SORCS3: variants seen among roughly 807,000 people sequenced by gnomAD.
SORCS3 encodes the protein VPS10 domain-containing receptor SorCS3.
A neutral mutation model predicts 146.3 loss-of-function variants in SORCS3; 57 were observed. That is an observed-to-expected ratio of 0.39 (90% confidence interval 0.31 to 0.49). The LOEUF is 0.49. Ranked by LOEUF, SORCS3 falls within the 20% of genes least tolerant of loss-of-function variation. The pLI, the probability that SORCS3 is intolerant of heterozygous loss-of-function variation, is 0.92. For synonymous variants in SORCS3, 653 were observed against 618.5 expected (o/e 1.06, Z -0.83); for missense variants, 1,341 against 1,575.5 (o/e 0.85, Z 2.52).
chr10:104,709,672 T>A (rs1387282721), intron 1 of SORCS3, among the ~76,000 whole-genome samples: 1 of 152,186 alleles, frequency 6.6e-6, no homozygotes, highest in Non-Finnish European at 1.5e-5. Flanking sequence ...ACAGCTAGTA[T>A]GTGGCAAAGA....
At position 105,069,585 on chromosome 10, in the gene SORCS3, A is replaced by G. The variant is rs185783353; in HGVS notation, c.1029-20190A>G. Among the ~76,000 whole-genome samples the G allele has an allele frequency of 2.0e-5, 3 of 152,296 alleles. No homozygotes were observed. The East Asian group carries it at 5.8e-4, about 29-fold the overall frequency. On this transcript the variant is annotated intron_variant, in intron 5 of 26. Coordinates refer to ENST00000369701, the MANE Select transcript of SORCS3 (RefSeq NM_014978.3). Reference sequence around the variant, plus strand: ...ATCTGTTAATATCCGCAACTCCTTCAGACAGTGCTTGGCTCTGCCACGCTC... The same window carrying G: ...ATCTGTTAATATCCGCAACTCCTTCGGACAGTGCTTGGCTCTGCCACGCTC...
intron 4 of SORCS3, among the ~76,000 whole-genome samples, chr10:104,992,677 T>C (rs2055001795): frequency 6.6e-6 from 1 of 152,190 alleles, no homozygotes; most frequent in African/African-American, 2.4e-5. Context: ...TGTCTTCCTA[T>C]TTCACACCAA....
intron 2 of SORCS3, among the ~76,000 whole-genome samples, chr10:104,860,494 C>T (rs1398241904): frequency 6.7e-6 from 1 of 148,502 alleles, no homozygotes; most frequent in Non-Finnish European, 1.5e-5. Flanking sequence ...GGGTGCAGCA[C>T]ACCAGCATGG....
At chr10:105,177,949 T>A in intron 13 of SORCS3, 117 bp from the exon 14 acceptor site, 1 of 709,636 alleles carries the variant, frequency 1.4e-6, no homozygotes. Context: ...AACCTATTGA[T>A]AATCCACACT....
chr10:105,056,196 GTAGT>G (rs535085107), intron 5 of SORCS3, among the ~76,000 whole-genome samples: 27 of 152,308 alleles, frequency 1.8e-4, no homozygotes, highest in East Asian at 1.7e-3. Context: ...TGTCTGGAGA[GTAGT>G]TAGTTAGTTG....
chr10:104,664,367 T>G (rs1187076392), intron 1 of SORCS3, among the ~76,000 whole-genome samples: 1 of 152,178 alleles, frequency 6.6e-6, no homozygotes, highest in Non-Finnish European at 1.5e-5. Context: ...TGTAACACAT[T>G]TCCGTTTAAG....
At chr10:104,823,159 C>T (rs745494599) in intron 1 of SORCS3, among the ~76,000 whole-genome samples, 10 of 152,034 alleles carry the variant, frequency 6.6e-5, no homozygotes, top group South Asian at 2.1e-4. Flanking sequence ...AGATGAGTAA[C>T]GACAAAATAG....
chr10:104,940,222 ATATATATATATATATATTT>A (rs1319731401), intron 3 of SORCS3, among the ~76,000 whole-genome samples: 901 of 17,000 alleles, frequency 0.053, 54 homozygotes, highest in Admixed American at 0.22. Context: ...ATATATATAT[ATATATATATATATATATTT>A]TTTTTTTTTT....
chr10:105,212,505 A>G (rs1458382798), intron 17 of SORCS3, among the ~76,000 whole-genome samples: 1 of 152,256 alleles, frequency 6.6e-6, no homozygotes, highest in Non-Finnish European at 1.5e-5. Context: ...ACAGAATTAT[A>G]AAAGAATTGA....
intron 3 of SORCS3, among the ~76,000 whole-genome samples, chr10:104,943,952 T>C (rs962612638): frequency 6.6e-6 from 1 of 152,142 alleles, no homozygotes; most frequent in Non-Finnish European, 1.5e-5. Flanking sequence ...GGGGTCTTGC[T>C]CTGTTGCCTA....
In SORCS3 at chr10:104,977,426, A is replaced by G; in HGVS notation, c.887A>G (p.Tyr296Cys). The G allele has an allele frequency of 1.2e-6, 2 of 1,613,864 alleles. No homozygotes were observed. Among genetic ancestry groups the G allele is most frequent in the Non-Finnish European group, 1.7e-6 (2 of 1,179,886 alleles). The stretch of plus-strand genomic sequence containing the variant: ...TATCAGAAGTATCGGCTCACCTTCT[A>G]TATCCAGAGCCTGCTCTTTCATCCC... ...ATYQKYRLTF[Y>C]IQSLLFHPKQ... Residue 296 changes from tyrosine to cysteine, a missense_variant, in exon 4 of 27, where the codon TAT (tyrosine) becomes TGT (cysteine). Coordinates refer to ENST00000369701, the MANE Select transcript of SORCS3 (RefSeq NM_014978.3).
chr10:104,813,186 C>T (rs1589508531), intron 1 of SORCS3, among the ~76,000 whole-genome samples: 1 of 152,198 alleles, frequency 6.6e-6, no homozygotes, highest in East Asian at 1.9e-4. Context: ...TTCACTGCTG[C>T]TATTCCCTGT....
intron 4 of SORCS3, among the ~76,000 whole-genome samples, chr10:104,986,529 G>C (rs1371930740): frequency 6.6e-6 from 1 of 152,128 alleles, no homozygotes; most frequent in Admixed American, 6.6e-5. Context: ...TGGCTGTTTG[G>C]CGCAAGAGAC....
chr10:105,166,153 T>TA (rs1345401433), intron 12 of SORCS3, among the ~76,000 whole-genome samples: 4 of 152,100 alleles, frequency 2.6e-5, no homozygotes, highest in South Asian at 4.1e-4. Flanking sequence ...GATAAATATG[T>TA]AAAAAAAGAG....
intron 1 of SORCS3, among the ~76,000 whole-genome samples, chr10:104,725,202 C>G (rs1030475973): frequency 6.6e-6 from 1 of 152,178 alleles, no homozygotes; most frequent in Admixed American, 6.5e-5. Context: ...ACAGTCAGGA[C>G]CCTCAGATGC....
chr10:105,175,943 A>G (rs2056398292), intron 13 of SORCS3, among the ~76,000 whole-genome samples: 1 of 152,064 alleles, frequency 6.6e-6, no homozygotes, highest in East Asian at 1.9e-4. Context: ...GTACATTAGG[A>G]CAGAGAGGAT....
rs756591999 is a variant in SORCS3, at chr10:105,043,164, A to G, written c.1028+36A>G. ...TCCACACACTCATTACTTCTTAGATAAAGAATTATCAAACAGCGTAGCACT... is the reference window on the plus strand; with the variant it reads ...TCCACACACTCATTACTTCTTAGATGAAGAATTATCAAACAGCGTAGCACT... On this transcript the variant is annotated intron_variant, in intron 5 of 26. Transcript: ENST00000369701. 3 of 1,578,240 alleles carry G rather than the reference A, an allele frequency of 1.9e-6. No homozygotes were observed. The East Asian group carries it at 6.7e-5, about 35-fold the overall frequency.
At chr10:104,774,534 G>A (rs953793815) in intron 1 of SORCS3, among the ~76,000 whole-genome samples, 2 of 152,128 alleles carry the variant, frequency 1.3e-5, no homozygotes, top group African/African-American at 4.8e-5. Context: ...AATGGCTTTC[G>A]CGGGTGATTA....
At chr10:105,013,047 G>A (rs138242148) in intron 4 of SORCS3, among the ~76,000 whole-genome samples, 1 of 152,250 alleles carries the variant, frequency 6.6e-6, no homozygotes, top group African/African-American at 2.4e-5. Flanking sequence ...AATGTAAGAT[G>A]TTAATGTTAG....
Sources: gnomAD v4.1 joint callset for allele counts (sites outside exome capture counted in the v4.1 genomes callset) on GRCh38, gnomAD v4.1.1 for gene constraint, MANE v1.5 for transcripts, NCBI Gene and HGNC (gene_info 2026-07-23, HGNC 2026-07-21) for gene names.